Variants in TAGLN observed in about 807,000 individuals in gnomAD.
TAGLN encodes the protein 22 kDa actin-binding protein.
In TAGLN, 16 loss-of-function variants were observed where a neutral mutation model predicts 21.9. That is an observed-to-expected ratio of 0.73 (90% CI 0.49 to 1.11). The LOEUF (loss-of-function observed/expected upper bound fraction) is 1.11. Ranked by LOEUF, TAGLN falls within the 50% of genes least tolerant of loss-of-function variation. The pLI is 0.00. For synonymous variants in TAGLN, 96 were observed against 94.9 expected (o/e 1.01, Z -0.06); for missense variants, 248 against 263.2 (o/e 0.94, Z 0.40).
Position 117,206,467 on chromosome 11 carries a change from T to G in TAGLN, c.*2108T>G, listed in dbSNP as rs893847140. 2 of 1,466,896 alleles carry G rather than the reference T, an allele frequency of 1.4e-6. No homozygotes were observed. The highest frequency in any genetic ancestry group is 2.9e-5 in the African/African-American group (2 of 69,008). 90.9% of individuals were successfully genotyped at this position (1,466,896 alleles called of 1,614,324 possible). A position where few individuals can be genotyped will look rare whatever the true frequency, so the allele number is the denominator to read the frequency against. On this transcript the variant is annotated 3_prime_UTR_variant, in exon 5 of 5. Transcript: ENST00000392951. ...CTTTTTCCTTCTAGGGACTGCCTTT[T>G]TCACCCAAACTGTTCCCTCTGCCCC...
chr11:117,203,082 C>T lies in TAGLN; in HGVS notation c.69C>T (p.Asp23=), dbSNP rs549620171. The part of the protein sequence containing the change: ...EVQSKIEKKY[D]EELEERLVEW... ...AGTCCAAAATCGAGAAGAAGTATGA[C>T]GAGGAGCTGGAGGAGCGGCTGGTGG... Residue 23 remains aspartate (D), a synonymous_variant, in exon 2 of 5, where the codon GAC becomes GAT. Coordinates refer to ENST00000392951, the MANE Select transcript of TAGLN (RefSeq NM_003186.5). The surrounding 1 kb of genome is among the most constrained non-coding windows in gnomAD (Gnocchi z 4.4). 18 of 1,611,988 alleles carry T rather than the reference C, an allele frequency of 1.1e-5. No homozygotes were observed. The highest frequency in any genetic ancestry group is 2.7e-5 in the African/African-American group (2 of 74,866).
chr11:117,205,771 CCTT>C lies in TAGLN; in HGVS notation c.*1415_*1417del, dbSNP rs2031335005. 6.9e-6 allele frequency: 3 copies of C among 437,542 alleles called. No homozygotes were observed. The highest frequency in any genetic ancestry group is 8.1e-6 in the Non-Finnish European group (2 of 246,508). The allele number at this position is 437,542 out of a possible 1,614,324, so 27.1% of individuals were successfully genotyped here. ...GGGGGCGCCAATCCCCTGTCCAACA[CCTT>C]CTCACCAAAAGCTCCCGTTTGGCTG... On this transcript the variant is annotated 3_prime_UTR_variant, in exon 5 of 5. Transcript: ENST00000392951.
rs1480069034 is a variant in TAGLN at position 117,205,708 on chromosome 11, T to C, written c.*1349T>C. The C allele has an allele frequency of 6.2e-6, 2 of 324,964 alleles. No homozygotes were observed. The highest frequency in any genetic ancestry group is 4.7e-5 in the East Asian group (1 of 21,500). 20.1% of individuals were successfully genotyped at this position (324,964 alleles called of 1,614,324 possible). A position where few individuals can be genotyped will look rare whatever the true frequency, so the allele number is the denominator to read the frequency against. On this transcript the variant is annotated 3_prime_UTR_variant, in exon 5 of 5. Coordinates refer to ENST00000392951, the MANE Select transcript of TAGLN (RefSeq NM_003186.5). The stretch of plus-strand genomic sequence containing the variant: ...TGCTTGGGGGACCTAGGCAGCTGGC[T>C]TGGCCCAAGAGAGATGAGGATGGAG...
At chr11:117,204,139 C>T (rs1200599431) in intron 4 of TAGLN, 76 bp from the exon 5 acceptor site, 21 of 1,596,428 alleles carry the variant, frequency 1.3e-5, no homozygotes, top group African/African-American at 4.0e-5. Context: ...TGGGCTAGGA[C>T]GTAACAGAGG....
Position 117,203,522 on chromosome 11 carries a change from G to A in TAGLN, c.358+38G>A, listed in dbSNP as rs781232698. ...AGGCTGGGGGAGGAGGTGGGCAGGA[G>A]GACAGGGTGCTGGGACAGGGAGAGG... On this transcript the variant is annotated intron_variant, in intron 3 of 4. Transcript: ENST00000392951. This position sits in a 1 kb window ranked among gnomAD's most constrained non-coding sequence, Gnocchi z 4.4. 1.9e-6 allele frequency: 3 copies of A among 1,606,660 alleles called. No homozygotes were observed. Among genetic ancestry groups the A allele is most frequent in the South Asian group, 1.1e-5 (1 of 90,698 alleles).
chr11:117,200,686 C>G (rs1013580086), intron 1 of TAGLN, among the ~76,000 whole-genome samples: 2 of 152,078 alleles, frequency 1.3e-5, no homozygotes, highest in African/African-American at 4.8e-5. Context: ...TGCTTCATCC[C>G]CCTCTGACCG....
intron 1 of TAGLN, chr11:117,201,402 G>A (rs1319629302): frequency 6.6e-6 from 1 of 152,244 alleles, no homozygotes; most frequent in Non-Finnish European, 1.5e-5. Flanking sequence ...GGCTGGAGTG[G>A]GCAGCAAAGA....
rs1362651391 is a variant in TAGLN at position 117,203,896 on chromosome 11, C to T, written c.461+12C>T. ...AACTGGTTTATGAAGTATGTGGCCC[C>T]CAGGGAGCTTGGGTCTCCGCATGGG... On this transcript the variant is annotated intron_variant, in intron 4 of 4. Coordinates refer to ENST00000392951, the MANE Select transcript of TAGLN (RefSeq NM_003186.5). The surrounding 1 kb of genome is among the most constrained non-coding windows in gnomAD (Gnocchi z 4.4). The T allele has an allele frequency of 6.2e-7, 1 of 1,610,858 alleles. No individual in the cohort carries two copies. The highest frequency in any genetic ancestry group is 2.2e-5 in the East Asian group (1 of 44,844).
At chr11:117,204,075 C>T (rs975331581) in intron 4 of TAGLN, 140 bp from the exon 5 acceptor site, 1 of 1,323,292 alleles carries the variant, frequency 7.6e-7, no homozygotes, top group Non-Finnish European at 1.0e-6. Context: ...GTCTCCCTAG[C>T]CTATGAGGCA....
chr11:117,200,827 CTCCT>C (rs750544901), intron 1 of TAGLN, among the ~76,000 whole-genome samples: 9 of 152,122 alleles, frequency 5.9e-5, no homozygotes, highest in Non-Finnish European at 1.0e-4. Flanking sequence ...GGGACACACT[CTCCT>C]TCCATCCTGT....
intron 1 of TAGLN, chr11:117,201,366 G>A (rs1226091960): frequency 6.6e-6 from 1 of 152,294 alleles, no homozygotes; most frequent in East Asian, 1.9e-4. Flanking sequence ...TGCGCGCTCA[G>A]GGAATGATTG....
chr11:117,202,568 A>C (rs2031142984), intron 1 of TAGLN: 1 of 152,710 alleles, frequency 6.5e-6, no homozygotes, highest in East Asian at 1.9e-4. Flanking sequence ...CTTGGCAAAG[A>C]ATGTTCTAGA....
Position 117,204,622 on chromosome 11 carries a change from A to G in TAGLN, c.*263A>G, listed in dbSNP as rs1023451455. On this transcript the variant is annotated 3_prime_UTR_variant, in exon 5 of 5. Transcript: ENST00000392951. ...ACCTCTACTGTCTCCTCCCTGGGCTAAGCAGGGGAGAAGCGGGCTGGGGGT... is the reference window on the plus strand; with the variant it reads ...ACCTCTACTGTCTCCTCCCTGGGCTGAGCAGGGGAGAAGCGGGCTGGGGGT... 1.8e-6 allele frequency: 1 copy of G among 563,748 alleles called. No homozygotes were observed. Among genetic ancestry groups the G allele is most frequent in the African/African-American group, 1.8e-5 (1 of 54,146 alleles). The allele number at this position is 563,748 out of a possible 1,614,324, so 34.9% of individuals were successfully genotyped here. A position where few individuals can be genotyped will look rare whatever the true frequency, so the allele number is the denominator to read the frequency against.
chr11:117,203,519 G>A lies in TAGLN; in HGVS notation c.358+35G>A. 1.2e-6 allele frequency: 2 copies of A among 1,608,094 alleles called. No homozygotes were observed. The highest frequency in any genetic ancestry group is 1.7e-6 in the Non-Finnish European group (2 of 1,175,580). ...AAGAGGCTGGGGGAGGAGGTGGGCA[G>A]GAGGACAGGGTGCTGGGACAGGGAG... is the stretch of plus-strand genomic sequence containing the variant. On this transcript the variant is annotated intron_variant, in intron 3 of 4. Transcript: ENST00000392951. This position sits in a 1 kb window ranked among gnomAD's most constrained non-coding sequence, Gnocchi z 4.4.
intron 4 of TAGLN, 110 bp from the exon 5 acceptor site, chr11:117,204,105 A>C (rs1591780984): frequency 6.6e-7 from 1 of 1,511,820 alleles, no homozygotes; most frequent in Non-Finnish European, 9.0e-7. Flanking sequence ...AGGGAAAAAA[A>C]GTGCAACAGG....
In TAGLN at chr11:117,199,664, C is replaced by T. The variant is rs45613440; in HGVS notation, c.-13+232C>T. On this transcript the variant is annotated intron_variant, in intron 1 of 4. Coordinates refer to ENST00000392951, the MANE Select transcript of TAGLN (RefSeq NM_003186.5). ...CAGCCCCGGGCTCATTGAAATGCCC[C>T]GGATGACTTGGCTAGTGCAGAGGAA... 614 of 152,394 alleles carry T rather than the reference C, an allele frequency of 4.0e-3. 2 individuals carry two copies. Among genetic ancestry groups the T allele is most frequent in the Middle Eastern group, 0.01 (3 of 296 alleles). The allele number at this position is 152,394 out of a possible 1,614,324, so 9.4% of individuals were successfully genotyped here. A position where few individuals can be genotyped will look rare whatever the true frequency, so the allele number is the denominator to read the frequency against.
intron 1 of TAGLN, 21 bp from the exon 2 acceptor site, chr11:117,202,975 TCCCTCC>T: frequency 1.3e-6 from 2 of 1,522,702 alleles, no homozygotes; most frequent in Non-Finnish European, 1.8e-6. Context: ...CCTCTGCCCC[TCCCTCC>T]TCCACCCTGG....
At chr11:117,201,204 AG>A (rs1172940159) in intron 1 of TAGLN, 1 of 152,252 alleles carries the variant, frequency 6.6e-6, no homozygotes, top group African/African-American at 2.4e-5. Context: ...CTGGGCCAGG[AG>A]CCCACCTCAT....
At position 117,204,844 on chromosome 11, in the gene TAGLN, G is replaced by T. The variant is rs1255054600; in HGVS notation, c.*485G>T. 5 of 296,372 alleles carry T rather than the reference G, an allele frequency of 1.7e-5. No homozygotes were observed. The highest frequency in any genetic ancestry group is 2.7e-5 in the Non-Finnish European group (4 of 150,808). 18.4% of individuals were successfully genotyped at this position (296,372 alleles called of 1,614,324 possible). Reference sequence around the variant, plus strand: ...CCTGGTCACTTTTGTTATGGTTTCAGATCTGCGCAGGGGACAGGCAGGCAT... The same window carrying T: ...CCTGGTCACTTTTGTTATGGTTTCATATCTGCGCAGGGGACAGGCAGGCAT... On this transcript the variant is annotated 3_prime_UTR_variant, in exon 5 of 5. Transcript: ENST00000392951.
Sources: gnomAD v4.1 joint callset for allele counts (sites outside exome capture counted in the v4.1 genomes callset) on GRCh38, gnomAD v4.1.1 for gene constraint, Gnocchi (gnomAD v3.1) non-coding constraint, MANE v1.5 for transcripts, NCBI Gene and HGNC (gene_info 2026-07-23, HGNC 2026-07-21) for gene names.